CACNA1E: variants seen among roughly 807,000 people sequenced by gnomAD.
CACNA1E encodes the protein calcium voltage-gated channel subunit alpha1 E.
In CACNA1E, 40 loss-of-function variants were observed where a neutral mutation model predicts 259.2. That is an observed-to-expected ratio of 0.15 (90% CI 0.12 to 0.20). The LOEUF (loss-of-function observed/expected upper bound fraction) is 0.20. CACNA1E is among the 10% of genes least tolerant of loss of function. The probability of loss-of-function intolerance (pLI) is 1.00; values close to 1 mark genes in which losing one functional copy is unlikely to be tolerated. For missense variants in CACNA1E, 1,874 were observed against 3,040.1 expected (o/e 0.62, Z 9.02); for synonymous variants, 1,104 against 1,138.5 (o/e 0.97, Z 0.61).
At chr1:181,582,119 C>T (rs1651600961) in intron 6 of CACNA1E, among the ~76,000 whole-genome samples, 1 of 152,164 alleles carries the variant, frequency 6.6e-6, no homozygotes, top group African/African-American at 2.4e-5. Context: ...GGATCCATTC[C>T]CACATAGGAT....
chr1:181,623,557 A>G (rs1655919076), intron 6 of CACNA1E, among the ~76,000 whole-genome samples: 1 of 152,214 alleles, frequency 6.6e-6, no homozygotes, highest in Non-Finnish European at 1.5e-5. Context: ...TTAAATTCAA[A>G]CAATATATGG....
chr1:181,551,734 T>A (rs1315827763), intron 3 of CACNA1E, among the ~76,000 whole-genome samples: 8 of 152,086 alleles, frequency 5.3e-5, no homozygotes, highest in Admixed American at 5.2e-4. Context: ...ACAACATCCC[T>A]GACAGCTGGT....
chr1:181,733,063 A>G (rs1299897237), intron 20 of CACNA1E, 29 bp downstream of exon 20: 2 of 1,547,484 alleles, frequency 1.3e-6, no homozygotes, highest in Non-Finnish European at 8.7e-7. Flanking sequence ...TCCCAGATGG[A>G]TGGCACACAG....
chr1:181,573,721 T>C (rs1650651613), intron 3 of CACNA1E, among the ~76,000 whole-genome samples: 1 of 152,248 alleles, frequency 6.6e-6, no homozygotes, highest in South Asian at 2.1e-4. Context: ...AATGTGGTGA[T>C]TCCTCAAGGA....
chr1:181,739,628 G>A (rs1042499750), intron 25 of CACNA1E, among the ~76,000 whole-genome samples: 3 of 152,178 alleles, frequency 2.0e-5, no homozygotes, highest in Admixed American at 6.5e-5. Flanking sequence ...GTCAATCAAG[G>A]AAGCAGCTTG....
intron 2 of CACNA1E, among the ~76,000 whole-genome samples, chr1:181,472,493 T>G (rs377041209): frequency 6.6e-6 from 1 of 152,224 alleles, no homozygotes; most frequent in South Asian, 2.1e-4. Flanking sequence ...AAATCTCAAA[T>G]GTACACAATA....
At chr1:181,344,415 A>G (rs2102645285) in intron 1 of CACNA1E, among the ~76,000 whole-genome samples, 1 of 152,312 alleles carries the variant, frequency 6.6e-6, no homozygotes, top group East Asian at 1.9e-4. Flanking sequence ...CTTGGCAGGG[A>G]GAGGACATGG....
intron 6 of CACNA1E, among the ~76,000 whole-genome samples, chr1:181,588,859 C>T (rs1011153831): frequency 3.9e-5 from 6 of 152,210 alleles, no homozygotes; most frequent in Non-Finnish European, 8.8e-5. Context: ...GGAGGTGGTG[C>T]GTTGGTGACT....
chr1:181,322,111 C>T (rs915675585), intron 1 of CACNA1E, among the ~76,000 whole-genome samples: 11 of 152,278 alleles, frequency 7.2e-5, no homozygotes, highest in African/African-American at 2.6e-4. Flanking sequence ...AGGCAGGCCT[C>T]AGCCCAGTTC....
chr1:181,694,250 A>C (rs1183360649), intron 7 of CACNA1E, among the ~76,000 whole-genome samples: 1 of 152,236 alleles, frequency 6.6e-6, no homozygotes, highest in African/African-American at 2.4e-5. Flanking sequence ...TAAAAGAGGG[A>C]GAAAGCATAC....
chr1:181,362,445 G>A (rs919285865), intron 1 of CACNA1E, among the ~76,000 whole-genome samples: 51 of 152,112 alleles, frequency 3.4e-4, no homozygotes, highest in African/African-American at 5.6e-4. Context: ...TGGCTTTGTC[G>A]GTCCATAGGT....
At chr1:181,600,262 AG>A (rs1360125249) in intron 6 of CACNA1E, among the ~76,000 whole-genome samples, 2 of 152,212 alleles carry the variant, frequency 1.3e-5, no homozygotes, top group Non-Finnish European at 2.9e-5. Flanking sequence ...GAGGGGCAAG[AG>A]GTCAGAGAGA....
chr1:181,721,726 T>C (rs572435955), intron 15 of CACNA1E, 32 bp from the exon 16 acceptor site: 25 of 1,455,776 alleles, frequency 1.7e-5, no homozygotes, highest in South Asian at 4.6e-5. Flanking sequence ...CCAGCCCAGG[T>C]TTCTGATGCG....
chr1:181,427,032 C>G (rs369447792), intron 2 of CACNA1E, among the ~76,000 whole-genome samples: 24 of 151,556 alleles, frequency 1.6e-4, no homozygotes, highest in African/African-American at 5.6e-4. Context: ...ATCTCTACCC[C>G]TTCCCATCTC....
Position 181,632,536 on chromosome 1 carries a change from T to C in CACNA1E, c.952-18802T>C, listed in dbSNP as rs145585129. ...ATTTACAGATGTGGGCTTTGTTACATATTTAATATTTAATTTAAAAAGAAT... is the reference window on the plus strand; with the variant it reads ...ATTTACAGATGTGGGCTTTGTTACACATTTAATATTTAATTTAAAAAGAAT... On this transcript the variant is annotated intron_variant, in intron 6 of 47. Coordinates refer to ENST00000367573, the MANE Select transcript of CACNA1E (RefSeq NM_001205293.3). 3.3e-5 allele frequency among the ~76,000 whole-genome samples: 5 copies of C among 152,340 alleles called. No homozygotes were observed. In the East Asian group the frequency reaches 7.7e-4, roughly 23 times the overall value.
intron 1 of CACNA1E, among the ~76,000 whole-genome samples, chr1:181,319,199 C>A (rs1034610331): frequency 6.6e-6 from 1 of 152,156 alleles, no homozygotes. Flanking sequence ...TTACTCTTGG[C>A]TGAGAATCAC....
intron 2 of CACNA1E, among the ~76,000 whole-genome samples, chr1:181,432,373 A>T (rs1019497987): frequency 1.4e-4 from 22 of 152,300 alleles, no homozygotes; most frequent in Middle Eastern, 3.4e-3. Context: ...TAATAAAAAA[A>T]TTTTTTAATG....
chr1:181,511,737 G>C (rs1666188279), intron 3 of CACNA1E, among the ~76,000 whole-genome samples: 1 of 152,124 alleles, frequency 6.6e-6, no homozygotes, highest in Non-Finnish European at 1.5e-5. Flanking sequence ...AGAGGCCATG[G>C]GACTCTCAGC....
intron 19 of CACNA1E, among the ~76,000 whole-genome samples, chr1:181,731,967 G>T (rs922970671): frequency 2.6e-5 from 4 of 151,932 alleles, no homozygotes; most frequent in Admixed American, 6.6e-5. Context: ...GGGAGATGAG[G>T]GGGAGAGGAG....
Sources: gnomAD v4.1 joint callset for allele counts (sites outside exome capture counted in the v4.1 genomes callset) on GRCh38, gnomAD v4.1.1 for gene constraint, MANE v1.5 for transcripts, NCBI Gene and HGNC (gene_info 2026-07-23, HGNC 2026-07-21) for gene names.